KCNA6: variants seen among roughly 807,000 people sequenced by gnomAD.
KCNA6 encodes the protein human brain potassium channel-2.
Under a neutral mutation model 29.5 loss-of-function variants are expected in KCNA6, and 17 were observed. The ratio of observed to expected loss-of-function variants is 0.58; its 90% CI spans 0.39 to 0.86. The LOEUF (loss-of-function observed/expected upper bound fraction) is 0.86. Among genes scored for constraint, KCNA6 ranks in the 40% least tolerant of loss-of-function variants. The pLI, the probability that KCNA6 is intolerant of heterozygous loss-of-function variation, is 0.00. For synonymous variants in KCNA6, 296 were observed against 304.7 expected (o/e 0.97, Z 0.30); for missense variants, 450 against 703.4 (o/e 0.64, Z 4.07).
the KCNA6 span, among the ~76,000 whole-genome samples, chr12:4,820,150 A>G: frequency 2.0e-5 from 3 of 152,230 alleles, no homozygotes. Context: ...TTTTTACCAG[A>G]AGGCTCTTTG....
Position 4,811,484 on chromosome 12 carries a change from T to C in KCNA6, c.1443T>C (p.Thr481=). The change falls in exon 1 of 1, where the codon ACT becomes ACC. Residue 481 remains threonine, a synonymous_variant. Transcript: ENST00000280684. The surrounding 1 kb of genome is among the most constrained non-coding windows in gnomAD (Gnocchi z 7.1). ...AGCAAGGCCAGTATACCCACGTCAC[T>C]TGTGGGCAGCCTGCGCCGGACCTGA... is the stretch of plus-strand genomic sequence containing the variant. 1 of 1,614,032 alleles carries C rather than the reference T, an allele frequency of 6.2e-7. No homozygotes were observed. The highest frequency in any genetic ancestry group is 1.1e-5 in the South Asian group (1 of 91,060).
At chr12:4,835,932 C>CTTTTTTTT in the KCNA6 span, among the ~76,000 whole-genome samples, 1 of 89,006 alleles carries the variant, frequency 1.1e-5, no homozygotes, top group African/African-American at 5.1e-5. Flanking sequence ...TAAAAAGTCG[C>CTTTTTTTT]TGTTTTTTTT....
the KCNA6 span, among the ~76,000 whole-genome samples, chr12:4,829,627 C>A: frequency 6.6e-6 from 1 of 151,994 alleles, no homozygotes; most frequent in Non-Finnish European, 1.5e-5. Context: ...GAAAAAAGTA[C>A]CACTTCCTGT....
At chr12:4,818,105 G>A (rs753320441), downstream of KCNA6, among the ~76,000 whole-genome samples, 2 of 152,202 alleles carry the variant, frequency 1.3e-5, no homozygotes, top group Non-Finnish European at 1.5e-5. Context: ...TCCTGCAGCT[G>A]GGAGGGGCGG....
the KCNA6 span, among the ~76,000 whole-genome samples, chr12:4,819,366 A>G: frequency 1.6e-4 from 25 of 152,282 alleles, no homozygotes; most frequent in African/African-American, 5.3e-4. Flanking sequence ...GAGTTTTCCT[A>G]CCCTGTTCCA....
the KCNA6 span, among the ~76,000 whole-genome samples, chr12:4,836,358 G>T: frequency 6.6e-6 from 1 of 152,202 alleles, no homozygotes; most frequent in Non-Finnish European, 1.5e-5. Context: ...CAGGTAACAG[G>T]TGGTCTGGGT....
Position 4,810,350 on chromosome 12 carries a change from G to A in KCNA6, c.309G>A (p.Gly103=), listed in dbSNP as rs750286349. The A allele has an allele frequency of 6.2e-7, 1 of 1,614,144 alleles. No individual in the cohort carries two copies. Among genetic ancestry groups the A allele is most frequent in the East Asian group, 2.2e-5 (1 of 44,872 alleles). Residue 103 remains glycine (G), a synonymous_variant, in exon 1 of 1, where the codon GGG becomes GGA. Transcript: ENST00000280684. This position sits in a 1 kb window ranked among gnomAD's most constrained non-coding sequence, Gnocchi z 7.5. ...CCATCCTCTACTACTACCAGTCTGG[G>A]GGCCGCCTGCGGAGGCCGGTCAACG...
At chr12:4,846,117 A>C in the KCNA6 span, among the ~76,000 whole-genome samples, 8 of 151,854 alleles carry the variant, frequency 5.3e-5, no homozygotes, top group African/African-American at 1.9e-4. Context: ...TTTTTAAATA[A>C]CTCTGTGCAT....
chr12:4,833,706 A>G, the KCNA6 span, among the ~76,000 whole-genome samples: 11 of 152,146 alleles, frequency 7.2e-5, no homozygotes, highest in African/African-American at 2.7e-4. Context: ...TCCTCACACA[A>G]CAGTGTGTGA....
chr12:4,833,779 C>T, the KCNA6 span, among the ~76,000 whole-genome samples: 23 of 152,256 alleles, frequency 1.5e-4, no homozygotes, highest in Middle Eastern at 3.4e-3. Flanking sequence ...ATGAGCCTTT[C>T]CTTAGGCTGT....
chr12:4,813,206 G>T (rs1946649510), exon 1 of KCNA6: 1 of 166,774 alleles, frequency 6.0e-6, no homozygotes, highest in Non-Finnish European at 1.5e-5. Flanking sequence ...AGGCAGTGTG[G>T]CTTCTGTGAC....
chr12:4,815,166 T>A (rs868375584), downstream of KCNA6, among the ~76,000 whole-genome samples: 2 of 152,218 alleles, frequency 1.3e-5, no homozygotes, highest in South Asian at 4.1e-4. Context: ...TCTTCCTGCT[T>A]ATCTTTCTCC....
the KCNA6 span, among the ~76,000 whole-genome samples, chr12:4,846,288 T>A: frequency 6.6e-6 from 1 of 152,092 alleles, no homozygotes; most frequent in Non-Finnish European, 1.5e-5. Context: ...AATTTTTATT[T>A]TTTAAGTCTT....
the KCNA6 span, among the ~76,000 whole-genome samples, chr12:4,835,238 C>T: frequency 6.6e-6 from 1 of 151,376 alleles, no homozygotes; most frequent in Admixed American, 6.6e-5. Flanking sequence ...GGGTTCACAC[C>T]ATTCTCCTGC....
At chr12:4,816,169 T>C (rs1323472791), downstream of KCNA6, among the ~76,000 whole-genome samples, 1 of 152,016 alleles carries the variant, frequency 6.6e-6, no homozygotes, top group African/African-American at 2.4e-5. Flanking sequence ...AGAATGACAG[T>C]TTTTTTCTTC....
At position 4,811,651 on chromosome 12, in the gene KCNA6, C is replaced by T. The variant is rs1458356017; in HGVS notation, c.*20C>T. ...GTCTGACCCATGCAGGCAGGGCCTGCAGGAGGGGAGCACTGAGCTAACAGT... is the reference window on the plus strand; with the variant it reads ...GTCTGACCCATGCAGGCAGGGCCTGTAGGAGGGGAGCACTGAGCTAACAGT... On this transcript the variant is annotated 3_prime_UTR_variant, in exon 1 of 1. Transcript: ENST00000280684. The surrounding 1 kb of genome is among the most constrained non-coding windows in gnomAD (Gnocchi z 7.1). 3 of 1,601,516 alleles carry T rather than the reference C, an allele frequency of 1.9e-6. No individual in the cohort carries two copies. Among genetic ancestry groups the T allele is most frequent in the Admixed American group, 1.7e-5 (1 of 58,862 alleles).
the KCNA6 span, among the ~76,000 whole-genome samples, chr12:4,843,836 C>T: frequency 6.6e-6 from 1 of 152,108 alleles, no homozygotes; most frequent in Non-Finnish European, 1.5e-5. Flanking sequence ...GGACATGGTG[C>T]CAAACCATTC....
the KCNA6 span, among the ~76,000 whole-genome samples, chr12:4,849,450 A>G: frequency 7.0e-6 from 1 of 143,694 alleles, no homozygotes; most frequent in Admixed American, 6.9e-5. Flanking sequence ...GTTACCTTTC[A>G]CCTGATGGCC....
At chr12:4,846,746 C>T in the KCNA6 span, among the ~76,000 whole-genome samples, 1 of 149,734 alleles carries the variant, frequency 6.7e-6, no homozygotes, top group African/African-American at 2.5e-5. Flanking sequence ...TGTTGCTTCA[C>T]CACTGTCCTG....
Sources: gnomAD v4.1 joint callset for allele counts (sites outside exome capture counted in the v4.1 genomes callset) on GRCh38, gnomAD v4.1.1 for gene constraint, Gnocchi (gnomAD v3.1) non-coding constraint, MANE v1.5 for transcripts, NCBI Gene and HGNC (gene_info 2026-07-23, HGNC 2026-07-21) for gene names.